Variants in SELENON observed in about 807,000 individuals in gnomAD.
The protein encoded by SELENON is selenoprotein N.
A neutral mutation model predicts 59.5 loss-of-function variants in SELENON; 44 were observed. The ratio of observed to expected loss-of-function variants is 0.74; its 90% CI spans 0.58 to 0.95. SELENON has a LOEUF of 0.95. Among genes scored for constraint, SELENON ranks in the 40% least tolerant of loss-of-function variants. The probability of loss-of-function intolerance (pLI) is 0.00; values close to 1 mark genes in which losing one functional copy is unlikely to be tolerated. For missense variants in SELENON, 674 were observed against 721.4 expected (o/e 0.93, Z 0.75); for synonymous variants, 320 against 305.6 (o/e 1.05, Z -0.49).
At position 25,805,219 on chromosome 1, in the gene SELENON, C is replaced by T. The variant is rs778603129; in HGVS notation, c.481C>T (p.Arg161Ter). ...CGAGGAGACGCTCACCATAGAAGCC[C>T]GATTCCAGCCTCTGCTCCCGGAGAC... Residue 161 changes from arginine (R) to a stop codon, truncating the protein, a stop_gained, in exon 4 of 13, where the codon CGA becomes TGA. Transcript: ENST00000361547. LOFTEE classifies it high-confidence loss of function. 1.2e-5 allele frequency: 20 copies of T among 1,614,034 alleles called. No individual in the cohort carries two copies. The highest frequency in any genetic ancestry group is 2.2e-5 in the South Asian group (2 of 91,090).
At chr1:25,804,635 GCCCCCCCCGCCC>G (rs1345550868) in intron 3 of SELENON, among the ~76,000 whole-genome samples, 1 of 35,154 alleles carries the variant, frequency 2.8e-5, no homozygotes, top group Non-Finnish European at 5.1e-5. Flanking sequence ...CTGGGGCAAT[GCCCCCCCCGCCC>G]CCCCCCCCCC....
intron 4 of SELENON, among the ~76,000 whole-genome samples, chr1:25,806,363 C>T (rs2047907368): frequency 6.6e-6 from 1 of 152,222 alleles, no homozygotes; most frequent in African/African-American, 2.4e-5. Context: ...CTGGGCTCTC[C>T]AGGCCAGGGA....
At chr1:25,801,395 G>C (rs2047859956) in intron 2 of SELENON, among the ~76,000 whole-genome samples, 1 of 152,212 alleles carries the variant, frequency 6.6e-6, no homozygotes, top group South Asian at 2.1e-4. Flanking sequence ...TGGTCTGCGA[G>C]GTAGCTCACG....
rs2047898367 is a variant in SELENON at position 25,805,379 on chromosome 1, G to GC, written c.537+106dup. 3.3e-6 allele frequency: 5 copies of GC among 1,524,706 alleles called. No individual in the cohort carries two copies. In the South Asian group the frequency reaches 4.5e-5, roughly 14 times the overall value. The allele number at this position is 1,524,706 out of a possible 1,614,324, so 94.4% of individuals were successfully genotyped here. A position where few individuals can be genotyped will look rare whatever the true frequency, so the allele number is the denominator to read the frequency against. On this transcript the variant is annotated intron_variant, in intron 4 of 12. Transcript: ENST00000361547. ...CTCTGCCCTCTGTGTGCCCACTAGAGCCAGGCCCTGGAGGTCCATGTGCGG... is the reference window on the plus strand; with the variant it reads ...CTCTGCCCTCTGTGTGCCCACTAGAGCCCAGGCCCTGGAGGTCCATGTGCGG...
At chr1:25,812,584 C>CACACACAT in intron 9 of SELENON, 103 bp from the exon 9 acceptor site, 1 of 751,652 alleles carries the variant, frequency 1.3e-6, no homozygotes, top group Admixed American at 2.0e-5. Context: ...CACACACACA[C>CACACACAT]ACACACACAC....
intron 3 of SELENON, among the ~76,000 whole-genome samples, chr1:25,803,952 T>A (rs988446124): frequency 6.6e-6 from 1 of 152,136 alleles, no homozygotes; most frequent in African/African-American, 2.4e-5. Context: ...ATCCGCCTGC[T>A]TCGGCTTCCC....
intron 1 of SELENON, 93 bp downstream of exon 1, chr1:25,800,506 G>A (rs977438915): frequency 1.5e-5 from 10 of 688,646 alleles, no homozygotes; most frequent in Admixed American, 9.9e-5. Context: ...TGGACGAGTC[G>A]GGGGAGGCGG....
chr1:25,808,621 C>T lies in SELENON; in HGVS notation c.579C>T (p.Ala193=), dbSNP rs760971636. ...TGTCCGGCCTCCGAAACTGGACAGCCGCCGCCTCACCAAGTGCAGTGTTTG... is the reference window on the plus strand; with the variant it reads ...TGTCCGGCCTCCGAAACTGGACAGCTGCCGCCTCACCAAGTGCAGTGTTTG... Residue 193 remains alanine, a synonymous_variant, in exon 5 of 13, where the codon GCC becomes GCT. Transcript: ENST00000361547. The T allele has an allele frequency of 1.2e-5, 20 of 1,613,702 alleles. No individual in the cohort carries two copies. Among genetic ancestry groups the T allele is most frequent in the Middle Eastern group, 1.6e-4 (1 of 6,082 alleles).
At chr1:25,805,041 C>T in intron 3 of SELENON, 101 bp from the exon 3 acceptor site, 1 of 1,518,984 alleles carries the variant, frequency 6.6e-7, no homozygotes, top group Non-Finnish European at 9.1e-7. Context: ...CTACCCCCAC[C>T]CCCTGCCTGG....
intron 6 of SELENON, 132 bp from the exon 6 acceptor site, chr1:25,809,551 G>T: frequency 7.7e-7 from 1 of 1,298,696 alleles, no homozygotes; most frequent in Non-Finnish European, 1.1e-6. Flanking sequence ...GGAGAGCCTC[G>T]CTGCTGCCCA....
At position 25,800,529 on chromosome 1, in the gene SELENON, G is replaced by A. The variant is rs13373825; in HGVS notation, c.183+116G>A. 0.82 allele frequency: 264,935 copies of A among 324,748 alleles called. 109,423 individuals carry two copies. Among genetic ancestry groups the A allele is most frequent in the East Asian group, 0.98 (7,739 of 7,904 alleles). 20.1% of individuals were successfully genotyped at this position (324,748 alleles called of 1,614,324 possible). ...TCGGGGGAGGCGGAGGGCGGAGGGG[G>A]ACTGGACGGGAGGGAGCACGGGAAG... is the stretch of plus-strand genomic sequence containing the variant. On this transcript the variant is annotated intron_variant, in intron 1 of 12. Transcript: ENST00000361547.
chr1:25,810,005 C>T (rs1333860733), intron 7 of SELENON, among the ~76,000 whole-genome samples, 185 bp downstream of exon 6: 1 of 152,228 alleles, frequency 6.6e-6, no homozygotes, highest in African/African-American at 2.4e-5. Flanking sequence ...CACCCACCAG[C>T]TCTTCCCAGG....
Position 25,814,006 on chromosome 1 carries a change from G to GT in SELENON, c.1500+14dup, listed in dbSNP as rs764099583. The GT allele has an allele frequency of 6.2e-7, 1 of 1,613,228 alleles. No individual in the cohort carries two copies. The highest frequency in any genetic ancestry group is 1.1e-5 in the South Asian group (1 of 91,076). On this transcript the variant is annotated intron_variant, in intron 11 of 12. Transcript: ENST00000361547. ...GGAGGAACTGCAGGTGAGCGGGCAG[G>GT]TGGCAGGAACAGGAGCGTCCGGAAC... is the stretch of plus-strand genomic sequence containing the variant.
intron 4 of SELENON, among the ~76,000 whole-genome samples, chr1:25,808,022 C>T (rs1163668611): frequency 6.6e-6 from 1 of 152,192 alleles, no homozygotes; most frequent in East Asian, 1.9e-4. Flanking sequence ...GAGATTTCAC[C>T]TCAAACATGA....
intron 7 of SELENON, among the ~76,000 whole-genome samples, chr1:25,810,839 AG>A (rs1331048226): frequency 6.6e-6 from 1 of 152,100 alleles, no homozygotes. Flanking sequence ...GTTGTTGAGG[AG>A]GGGGCCTGGA....
intron 5 of SELENON, 38 bp from the exon 5 acceptor site, chr1:25,808,988 G>A: frequency 1.2e-6 from 2 of 1,612,888 alleles, no homozygotes; most frequent in Middle Eastern, 1.7e-4. Context: ...GGCCCAGCGG[G>A]ACCCAGCAAG....
At position 25,805,143 on chromosome 1, in the gene SELENON, G is replaced by C; in HGVS notation, c.405G>C (p.Arg135Ser). The change falls in exon 4 of 13, where the codon AGG (arginine) becomes AGC (serine). Residue 135 changes from arginine to serine, a missense_variant and splice_region_variant. Arg to Ser is a moderately radical substitution (Grantham distance 110). Coordinates refer to ENST00000361547, the MANE Select transcript of SELENON (RefSeq NM_020451.3). ...CTCTCCGATGTCTGTGTCTCATAGG[G>C]TCAACTCCCGCGGCCAGCTGCGAGG... 1 of 1,613,318 alleles carries C rather than the reference G, an allele frequency of 6.2e-7. No individual in the cohort carries two copies. Among genetic ancestry groups the C allele is most frequent in the African/African-American group, 1.3e-5 (1 of 74,992 alleles).
In SELENON at chr1:25,811,679, C is replaced by T; in HGVS notation, c.1093-12C>T. On this transcript the variant is annotated splice_polypyrimidine_tract_variant and intron_variant, in intron 8 of 12. Transcript: ENST00000361547. ...CTCTGAGCCTTCCCCCTACCACTGA[C>T]CTCTGGCCCAGATGGAGCTGGAGGC... The T allele has an allele frequency of 6.2e-7, 1 of 1,611,634 alleles. No individual in the cohort carries two copies. The highest frequency in any genetic ancestry group is 8.5e-7 in the Non-Finnish European group (1 of 1,178,914).
chr1:25,815,747 C>A lies in SELENON; in HGVS notation c.*29C>A, dbSNP rs1161840425. On this transcript the variant is annotated 3_prime_UTR_variant, in exon 13 of 13. Transcript: ENST00000361547. ...GCCTGGACGGGATCTGATGCACAGGCCCCCACGCCTCAGAGCCAGAGTGGT... is the reference window on the plus strand; with the variant it reads ...GCCTGGACGGGATCTGATGCACAGGACCCCACGCCTCAGAGCCAGAGTGGT... 3.1e-6 allele frequency: 5 copies of A among 1,610,494 alleles called. No homozygotes were observed. The highest frequency in any genetic ancestry group is 3.4e-4 in the Middle Eastern group (2 of 5,916).
Sources: gnomAD v4.1 joint callset for allele counts (sites outside exome capture counted in the v4.1 genomes callset) on GRCh38, gnomAD v4.1.1 for gene constraint, MANE v1.5 for transcripts, NCBI Gene and HGNC (gene_info 2026-07-23, HGNC 2026-07-21) for gene names.